Variants in PARD3B observed in about 807,000 individuals in gnomAD.
PARD3B encodes partitioning defective 3 homolog B.
In PARD3B, 103 loss-of-function variants were observed where a neutral mutation model predicts 130.2. That is an observed-to-expected ratio of 0.79 (90% confidence interval 0.67 to 0.93). PARD3B has a LOEUF of 0.93. Among genes scored for constraint, PARD3B ranks in the 40% least tolerant of loss-of-function variants. The pLI, the probability that PARD3B is intolerant of heterozygous loss-of-function variation, is 0.00. For missense variants in PARD3B, 1,609 were observed against 1,499.2 expected (o/e 1.07, Z -1.21); for synonymous variants, 583 against 553.2 (o/e 1.05, Z -0.76).
At chr2:204,836,481 G>T (rs1167375772) in intron 2 of PARD3B, among the ~76,000 whole-genome samples, 2 of 152,034 alleles carry the variant, frequency 1.3e-5, no homozygotes, top group African/African-American at 2.4e-5. Context: ...TGGGCAACAT[G>T]GCAAAACCCC....
At chr2:205,479,468 A>T (rs1164102030) in intron 20 of PARD3B, among the ~76,000 whole-genome samples, 1 of 152,226 alleles carries the variant, frequency 6.6e-6, no homozygotes, top group Non-Finnish European at 1.5e-5. Context: ...CATGCCACAA[A>T]GCAGAAGGTA....
In PARD3B at chr2:205,208,498, G is replaced by T. The variant is rs911466734; in HGVS notation, c.2140+15178G>T. On this transcript the variant is annotated intron_variant, in intron 15 of 22. Coordinates refer to ENST00000406610, the MANE Select transcript of PARD3B (RefSeq NM_001302769.2). ...TTGTCTCAGGCCAAAATCTCCTTAA[G>T]CTGATAAGCAACTTCAGCAAAGTCT... Among the ~76,000 whole-genome samples the T allele has an allele frequency of 3.4e-5, 5 of 145,268 alleles. 1 individual carries two copies. The highest frequency in any genetic ancestry group is 1.3e-4 in the African/African-American group (5 of 37,378).
Position 205,586,955 on chromosome 2 carries a change from G to A in PARD3B, c.3261-28501G>A, listed in dbSNP as rs76623929. On this transcript the variant is annotated intron_variant, in intron 22 of 22. Transcript: ENST00000406610. ...GCCCTTTGTCCATTTCAAATTTTTC[G>A]TAACAACCTGCACGGTGAATTTCTC... is the stretch of plus-strand genomic sequence containing the variant. Among the ~76,000 whole-genome samples, 575 of 152,170 alleles carry A rather than the reference G, an allele frequency of 3.8e-3. 4 individuals carry two copies. The highest frequency in any genetic ancestry group is 0.014 in the Middle Eastern group (4 of 294).
At chr2:204,721,547 A>T (rs980506896) in intron 2 of PARD3B, among the ~76,000 whole-genome samples, 2 of 152,198 alleles carry the variant, frequency 1.3e-5, no homozygotes, top group African/African-American at 4.8e-5. Flanking sequence ...TTAGATATAG[A>T]TTAAGAGCCA....
intron 2 of PARD3B, among the ~76,000 whole-genome samples, chr2:204,752,906 T>C (rs185985210): frequency 4.5e-4 from 68 of 152,302 alleles, no homozygotes; most frequent in Admixed American, 8.5e-4. Flanking sequence ...CAGTGTACTA[T>C]ACAGGTTAAT....
At chr2:205,430,439 T>A (rs1439522766) in intron 19 of PARD3B, among the ~76,000 whole-genome samples, 1 of 152,214 alleles carries the variant, frequency 6.6e-6, no homozygotes, top group African/African-American at 2.4e-5. Context: ...TGAAATTTAA[T>A]TCATTTAAAT....
chr2:204,883,432 AAAATAT>A (rs1266387692), intron 2 of PARD3B, among the ~76,000 whole-genome samples: 1 of 107,934 alleles, frequency 9.3e-6, no homozygotes, highest in East Asian at 2.4e-4. Context: ...ATATATATAT[AAAATAT>A]ATATATATAT....
chr2:205,023,402 G>A (rs1370059257), intron 3 of PARD3B, among the ~76,000 whole-genome samples: 2 of 149,136 alleles, frequency 1.3e-5, no homozygotes, highest in African/African-American at 4.9e-5. Context: ...CTGAGGAGTT[G>A]CCTCTGGTAA....
intron 4 of PARD3B, among the ~76,000 whole-genome samples, chr2:205,057,849 A>T (rs1046863671): frequency 1.3e-5 from 2 of 149,998 alleles, no homozygotes; most frequent in African/African-American, 4.9e-5. Context: ...TGCATTCAGG[A>T]TGTTTTAAAA....
intron 4 of PARD3B, among the ~76,000 whole-genome samples, chr2:205,073,977 A>C (rs115951538): frequency 0.049 from 7,429 of 152,258 alleles, 248 homozygotes; most frequent in Non-Finnish European, 0.071. Context: ...TATTAACAGG[A>C]TCTCTACAAA....
At chr2:205,243,431 T>G (rs2039443244) in intron 15 of PARD3B, among the ~76,000 whole-genome samples, 1 of 152,212 alleles carries the variant, frequency 6.6e-6, no homozygotes, top group South Asian at 2.1e-4. Flanking sequence ...TAAAATGATT[T>G]GCACAAAACT....
intron 1 of PARD3B, among the ~76,000 whole-genome samples, chr2:204,598,555 T>C (rs142722507): frequency 6.6e-6 from 1 of 152,238 alleles, no homozygotes; most frequent in African/African-American, 2.4e-5. Context: ...TTAAATGAAT[T>C]AATATTTATA....
intron 1 of PARD3B, among the ~76,000 whole-genome samples, chr2:204,626,268 G>A (rs2034483627): frequency 6.6e-6 from 1 of 151,980 alleles, no homozygotes; most frequent in Non-Finnish European, 1.5e-5. Flanking sequence ...TTTTCTGTGT[G>A]GTACTCTTTT....
At chr2:204,657,126 T>C (rs1162614824) in intron 1 of PARD3B, among the ~76,000 whole-genome samples, 1 of 152,220 alleles carries the variant, frequency 6.6e-6, no homozygotes, top group Non-Finnish European at 1.5e-5. Context: ...GTCGTATCAC[T>C]TTCTTCTCTT....
rs533817373 is a variant in PARD3B, at chr2:205,301,701, G to A, written c.2630G>A (p.Arg877Lys). Residue 877 changes from arginine (R) to lysine (K), a missense_variant and splice_region_variant, in exon 18 of 23, where the codon AGA (arginine) becomes AAA (lysine). Coordinates refer to ENST00000406610, the MANE Select transcript of PARD3B (RefSeq NM_001302769.2). This position sits in a 1 kb window ranked among gnomAD's most constrained non-coding sequence, Gnocchi z 5.2. ...AAGAAGGGCTTCGGCGCCATGCTGA[G>A]GTATGGGCCTGCTTTGAAGGCAAAG... ...IKKKGFGAML[R>K]FGKKKEDKGG... 1.1e-5 allele frequency: 18 copies of A among 1,614,028 alleles called. No individual in the cohort carries two copies. The South Asian group carries it at 2.0e-4, about 18-fold the overall frequency.
chr2:205,143,187 T>C (rs1176294440), intron 10 of PARD3B, among the ~76,000 whole-genome samples: 2 of 152,236 alleles, frequency 1.3e-5, no homozygotes, highest in African/African-American at 2.4e-5. Flanking sequence ...AATGTGTTTT[T>C]TTCCTTATGT....
At chr2:204,892,718 C>T (rs968054019) in intron 2 of PARD3B, among the ~76,000 whole-genome samples, 1 of 151,968 alleles carries the variant, frequency 6.6e-6, no homozygotes, top group African/African-American at 2.4e-5. Flanking sequence ...GTGAAGGCAG[C>T]CTCAAAAAGA....
chr2:205,371,199 T>C (rs2044802168), intron 18 of PARD3B, among the ~76,000 whole-genome samples: 1 of 152,208 alleles, frequency 6.6e-6, no homozygotes, highest in Admixed American at 6.5e-5. Context: ...GAAATGAATA[T>C]TCACTTTTAA....
chr2:205,051,275 G>T (rs1699172687), intron 4 of PARD3B, among the ~76,000 whole-genome samples: 1 of 152,126 alleles, frequency 6.6e-6, no homozygotes, highest in South Asian at 2.1e-4. Context: ...AATTCGGGGA[G>T]TGTGTGATAA....
Sources: gnomAD v4.1 joint callset for allele counts (sites outside exome capture counted in the v4.1 genomes callset) on GRCh38, gnomAD v4.1.1 for gene constraint, Gnocchi (gnomAD v3.1) non-coding constraint, MANE v1.5 for transcripts, NCBI Gene and HGNC (gene_info 2026-07-23, HGNC 2026-07-21) for gene names.